Variants in APBB2 observed in about 807,000 individuals in gnomAD.
APBB2 encodes the protein Fe65-like 1.
In APBB2, 38 loss-of-function variants were observed where a neutral mutation model predicts 82.5. That is an observed-to-expected ratio of 0.46 (90% CI 0.36 to 0.60). The LOEUF (loss-of-function observed/expected upper bound fraction) is 0.60, where lower values mean the gene tolerates loss of function less well. Ranked by LOEUF, APBB2 falls within the 20% of genes least tolerant of loss-of-function variation. APBB2 has a pLI of 0.00. For missense variants in APBB2, 772 were observed against 972.3 expected (o/e 0.79, Z 2.74); for synonymous variants, 341 against 368.2 (o/e 0.93, Z 0.85).
intron 1 of APBB2, among the ~76,000 whole-genome samples, chr4:41,168,983 G>C (rs781137442): frequency 6.6e-6 from 1 of 151,784 alleles, no homozygotes; most frequent in Non-Finnish European, 1.5e-5. Context: ...TCAAGAGATC[G>C]AGACCATCCT....
intron 1 of APBB2, among the ~76,000 whole-genome samples, chr4:41,143,814 C>T (rs930345558): frequency 7.9e-5 from 12 of 152,014 alleles, no homozygotes; most frequent in African/African-American, 2.9e-4. Context: ...TATATGAAAC[C>T]AACATTCAAC....
intron 10 of APBB2, among the ~76,000 whole-genome samples, chr4:40,928,480 G>A (rs1386007607): frequency 6.6e-6 from 1 of 152,018 alleles, no homozygotes; most frequent in East Asian, 1.9e-4. Context: ...TTGGGAGGCT[G>A]AGGCAGGAGA....
intron 12 of APBB2, among the ~76,000 whole-genome samples, chr4:40,873,655 T>C (rs1766127631): frequency 6.6e-6 from 1 of 152,240 alleles, no homozygotes; most frequent in African/African-American, 2.4e-5. Context: ...GAAACTGGTT[T>C]GGCAAGCAAG....
chr4:40,987,030 A>T (rs1239068674), intron 6 of APBB2, among the ~76,000 whole-genome samples: 1 of 152,224 alleles, frequency 6.6e-6, no homozygotes, highest in African/African-American at 2.4e-5. Flanking sequence ...GCCAAAAATC[A>T]TATCAGTTAA....
chr4:40,959,050 A>T (rs1481666750), intron 6 of APBB2, among the ~76,000 whole-genome samples: 3 of 152,226 alleles, frequency 2.0e-5, no homozygotes, highest in African/African-American at 7.2e-5. Flanking sequence ...AATACCAGGC[A>T]GGATTTATTT....
chr4:41,185,019 T>A (rs1205918828), intron 1 of APBB2, among the ~76,000 whole-genome samples: 1 of 152,216 alleles, frequency 6.6e-6, no homozygotes, highest in Non-Finnish European at 1.5e-5. Context: ...CTTATCTATC[T>A]CCCTTCACTA....
chr4:41,062,033 C>T (rs1210937595), intron 4 of APBB2, among the ~76,000 whole-genome samples: 1 of 152,220 alleles, frequency 6.6e-6, no homozygotes, highest in African/African-American at 2.4e-5. Context: ...GCCTGGTGAG[C>T]AGGCCCCAGG....
intron 10 of APBB2, among the ~76,000 whole-genome samples, chr4:40,927,016 T>TA (rs1782781782): frequency 1.3e-5 from 2 of 152,230 alleles, no homozygotes; most frequent in African/African-American, 4.8e-5. Context: ...TCTCCAGACT[T>TA]AAATACAGAT....
At chr4:40,976,890 AT>A (rs1298744802) in intron 6 of APBB2, among the ~76,000 whole-genome samples, 5 of 152,162 alleles carry the variant, frequency 3.3e-5, no homozygotes, top group Admixed American at 6.5e-5. Context: ...CCTATAAAAA[AT>A]AAAAAAAATT....
chr4:40,864,787 AG>A (rs534877901), intron 12 of APBB2, among the ~76,000 whole-genome samples: 8 of 151,020 alleles, frequency 5.3e-5, no homozygotes, highest in Admixed American at 1.3e-4. Flanking sequence ...GGGTGTAGCG[AG>A]GGTGAGCATA....
At position 40,956,181 on chromosome 4, in the gene APBB2, T is replaced by C. The variant is rs539717907; in HGVS notation, c.836-11108A>G. On this transcript the variant is annotated intron_variant, in intron 6 of 17. Coordinates refer to ENST00000508593, the MANE Select transcript of APBB2 (RefSeq NM_004307.2). ...TTTTTCTGGCCCAAGGTTTGTGTTG[T>C]CAGAATATAGCAAGCAGGGCTCTTC... 3.9e-5 allele frequency among the ~76,000 whole-genome samples: 6 copies of C among 152,236 alleles called. No individual in the cohort carries two copies. The South Asian group carries it at 1.0e-3, about 26-fold the overall frequency.
intron 1 of APBB2, among the ~76,000 whole-genome samples, chr4:41,173,805 T>C (rs904202665): frequency 1.3e-5 from 2 of 152,066 alleles, no homozygotes; most frequent in Non-Finnish European, 2.9e-5. Flanking sequence ...GTAAGTACAC[T>C]CTACAACGTT....
chr4:41,203,551 C>G (rs1391201036), intron 1 of APBB2, among the ~76,000 whole-genome samples: 1 of 152,058 alleles, frequency 6.6e-6, no homozygotes, highest in African/African-American at 2.4e-5. Context: ...ACATGGAGAC[C>G]CTCTCCACAG....
intron 7 of APBB2, among the ~76,000 whole-genome samples, chr4:40,942,645 G>GT (rs2154379414): frequency 6.6e-6 from 1 of 152,252 alleles, no homozygotes; most frequent in South Asian, 2.1e-4. Flanking sequence ...CAGCGGGGCT[G>GT]TTGGGGGGGA....
At position 41,182,120 on chromosome 4, in the gene APBB2, T is replaced by C. The variant is rs116790669; in HGVS notation, c.-417+32285A>G. Among the ~76,000 whole-genome samples, 1,360 of 152,264 alleles carry C rather than the reference T, an allele frequency of 8.9e-3. 30 individuals carry two copies. Among genetic ancestry groups the C allele is most frequent in the African/African-American group, 0.031 (1,299 of 41,540 alleles). ...AAAGATCTTTCCATCTCTAGCATCC[T>C]AGTGACTCCGCATCTCCAGGATAAA... On this transcript the variant is annotated intron_variant, in intron 1 of 17. Transcript: ENST00000508593.
At chr4:40,868,002 G>GGTCTACA (rs959963042) in intron 12 of APBB2, among the ~76,000 whole-genome samples, 17 of 151,128 alleles carry the variant, frequency 1.1e-4, no homozygotes, top group African/African-American at 3.9e-4. Flanking sequence ...TGAGTAGTTA[G>GGTCTACA]GTCTACAGGT....
chr4:40,864,891 C>T (rs1397360867), intron 12 of APBB2, among the ~76,000 whole-genome samples: 8 of 144,136 alleles, frequency 5.6e-5, no homozygotes, highest in Non-Finnish European at 9.0e-5. Flanking sequence ...CAGGGTCTCA[C>T]TCTGTCACCC....
chr4:40,821,918 C>G lies in APBB2; in HGVS notation c.2065G>C (p.Glu689Gln). Residue 689 changes from glutamate to glutamine, a missense_variant, in exon 17 of 18, where the codon GAG (glutamate) becomes CAG (glutamine). Glu to Gln is a conservative substitution (Grantham distance 29). Coordinates refer to ENST00000508593, the MANE Select transcript of APBB2 (RefSeq NM_004307.2). The part of the protein sequence containing the change: ...QRFECHVFWC[E>Q]PNAGNVSEAV... ...TCAGACACGTTACCAGCATTAGGCT[C>G]GCACCAGAAAACGTGGCACTCAAAG... 6.2e-7 allele frequency: 1 copy of G among 1,614,068 alleles called. No homozygotes were observed. Among genetic ancestry groups the G allele is most frequent in the South Asian group, 1.1e-5 (1 of 91,074 alleles).
At chr4:40,837,433 G>A (rs1754338486) in intron 12 of APBB2, among the ~76,000 whole-genome samples, 1 of 152,206 alleles carries the variant, frequency 6.6e-6, no homozygotes, top group African/African-American at 2.4e-5. Flanking sequence ...GCCTCACACA[G>A]CCACGCAGGG....
Sources: allele counts gnomAD v4.1 joint callset (sites outside exome capture counted in the v4.1 genomes callset), GRCh38; gene constraint gnomAD v4.1.1; transcripts MANE v1.5; gene names NCBI Gene and HGNC (gene_info 2026-07-23, HGNC 2026-07-21).